EYS: variants seen among roughly 807,000 people sequenced by gnomAD.
EYS encodes the protein protein eyes shut homolog.
In EYS, 250 loss-of-function variants were observed where a neutral mutation model predicts 282.1. The observed-to-expected ratio is 0.89, with a 90% CI of 0.80 to 0.98. The LOEUF (loss-of-function observed/expected upper bound fraction) is 0.98, where lower values mean the gene tolerates loss of function less well. Among genes scored for constraint, EYS ranks in the 50% least tolerant of loss-of-function variants. The probability of loss-of-function intolerance (pLI) is 0.00; values close to 1 mark genes in which losing one functional copy is unlikely to be tolerated. For synonymous variants in EYS, 1,355 were observed against 1,282.9 expected (o/e 1.06, Z -1.20); for missense variants, 4,016 against 3,709.0 (o/e 1.08, Z -2.15).
At chr6:65,342,244 T>C (rs893393839) in intron 10 of EYS, among the ~76,000 whole-genome samples, 1 of 151,076 alleles carries the variant, frequency 6.6e-6, no homozygotes, top group Non-Finnish European at 1.5e-5. Flanking sequence ...TGATTTAATT[T>C]AACTTTAAGA....
chr6:65,399,835 G>A (rs1766424782), intron 7 of EYS, among the ~76,000 whole-genome samples: 1 of 151,908 alleles, frequency 6.6e-6, no homozygotes, highest in South Asian at 2.1e-4. Flanking sequence ...CATTGTTCTG[G>A]CTCTCCTTTT....
chr6:64,070,511 A>G (rs1210069881), intron 32 of EYS, among the ~76,000 whole-genome samples: 1 of 152,070 alleles, frequency 6.6e-6, no homozygotes, highest in Non-Finnish European at 1.5e-5. Context: ...TCCTTGAGGT[A>G]ACAGGCTTAC....
At chr6:64,996,040 C>T (rs1771251042) in intron 14 of EYS, among the ~76,000 whole-genome samples, 1 of 151,990 alleles carries the variant, frequency 6.6e-6, no homozygotes, top group Non-Finnish European at 1.5e-5. Flanking sequence ...AAATCACAAC[C>T]TAAAATAAAG....
chr6:64,258,265 G>A (rs1050086090), intron 30 of EYS, among the ~76,000 whole-genome samples: 3 of 151,988 alleles, frequency 2.0e-5, no homozygotes, highest in Non-Finnish European at 4.4e-5. Flanking sequence ...CATTGTAAAA[G>A]GAGCTTTTCA....
intron 30 of EYS, among the ~76,000 whole-genome samples, chr6:64,241,571 C>G (rs1317014534): frequency 6.6e-6 from 1 of 151,730 alleles, no homozygotes; most frequent in African/African-American, 2.4e-5. Context: ...GTTGTTGTCT[C>G]CTTTATCATT....
intron 13 of EYS, among the ~76,000 whole-genome samples, chr6:65,019,563 A>G (rs761992804): frequency 3.4e-4 from 52 of 152,218 alleles, no homozygotes; most frequent in Non-Finnish European, 7.2e-4. Flanking sequence ...GTACAAAATA[A>G]ATGACATAAG....
At chr6:64,227,599 G>T (rs1268812703) in intron 31 of EYS, among the ~76,000 whole-genome samples, 6 of 151,986 alleles carry the variant, frequency 3.9e-5, no homozygotes, top group Non-Finnish European at 5.9e-5. Context: ...GTAAATGGGG[G>T]TAATTTAGAG....
At chr6:64,089,362 A>T (rs900643113) in intron 31 of EYS, among the ~76,000 whole-genome samples, 2 of 150,300 alleles carry the variant, frequency 1.3e-5, no homozygotes, top group South Asian at 4.2e-4. Context: ...TTATAAAATT[A>T]AATCTCAAGA....
At chr6:63,760,607 T>G (rs1769607399) in intron 41 of EYS, among the ~76,000 whole-genome samples, 1 of 151,996 alleles carries the variant, frequency 6.6e-6, no homozygotes, top group Admixed American at 6.6e-5. Context: ...CTCATTACTC[T>G]GACTATTCCA....
intron 30 of EYS, among the ~76,000 whole-genome samples, chr6:64,258,522 T>G (rs1767479701): frequency 6.6e-6 from 1 of 152,078 alleles, no homozygotes; most frequent in Admixed American, 6.6e-5. Context: ...GTGTGACCCT[T>G]GAATCTTGGG....
At chr6:64,807,392 T>C (rs1220604866) in intron 22 of EYS, among the ~76,000 whole-genome samples, 1 of 152,172 alleles carries the variant, frequency 6.6e-6, no homozygotes, top group Non-Finnish European at 1.5e-5. Flanking sequence ...TTGTCACCTA[T>C]ATAATAACTA....
chr6:64,103,580 T>C lies in EYS; in HGVS notation c.6425-21578A>G, dbSNP rs112946545. On this transcript the variant is annotated intron_variant, in intron 31 of 42. Transcript: ENST00000503581. ...AGGAGCACAGACTATGCGAGATTAATAGGAAATAGAGCTAGAAAGAGAGGT... is the reference window on the plus strand; with the variant it reads ...AGGAGCACAGACTATGCGAGATTAACAGGAAATAGAGCTAGAAAGAGAGGT... Among the ~76,000 whole-genome samples, 419 of 152,158 alleles carry C rather than the reference T, an allele frequency of 2.8e-3. 2 individuals are homozygous for C. The highest frequency in any genetic ancestry group is 9.7e-3 in the African/African-American group (404 of 41,506).
intron 12 of EYS, among the ~76,000 whole-genome samples, chr6:65,273,033 T>G (rs1212593625): frequency 6.6e-6 from 1 of 152,184 alleles, no homozygotes; most frequent in Non-Finnish European, 1.5e-5. Context: ...ACAGTCAATT[T>G]AATAATCAGG....
chr6:65,542,907 C>T (rs1277948440), intron 2 of EYS, among the ~76,000 whole-genome samples: 1 of 152,084 alleles, frequency 6.6e-6, no homozygotes, highest in Non-Finnish European at 1.5e-5. Flanking sequence ...AATAAAAGCA[C>T]CAACATTTAT....
intron 15 of EYS, among the ~76,000 whole-genome samples, chr6:64,945,104 GCC>G (rs1042110123): frequency 1.4e-5 from 2 of 147,962 alleles, no homozygotes; most frequent in African/African-American, 5.0e-5. Context: ...GGTCCCCTGG[GCC>G]CACTGTTGTT....
At chr6:65,228,993 G>T (rs1052482231) in intron 12 of EYS, among the ~76,000 whole-genome samples, 9 of 152,072 alleles carry the variant, frequency 5.9e-5, no homozygotes, top group South Asian at 2.1e-4. Flanking sequence ...TACCTTGCAA[G>T]ATATACAAAA....
intron 26 of EYS, among the ~76,000 whole-genome samples, chr6:64,457,268 T>C (rs536840294): frequency 1.3e-5 from 2 of 152,160 alleles, no homozygotes; most frequent in East Asian, 3.9e-4. Flanking sequence ...TTTTCAGACT[T>C]TTTGTGGTTT....
At chr6:63,817,567 C>G (rs1357102171) in intron 36 of EYS, among the ~76,000 whole-genome samples, 2 of 152,118 alleles carry the variant, frequency 1.3e-5, no homozygotes, top group African/African-American at 4.8e-5. Context: ...CCTGACAGGA[C>G]CTTGCCTTGG....
intron 26 of EYS, among the ~76,000 whole-genome samples, chr6:64,467,989 C>T (rs894196168): frequency 6.6e-6 from 1 of 152,150 alleles, no homozygotes. Flanking sequence ...ATGTATACTA[C>T]TTGGGGGTCA....
Sources: allele counts gnomAD v4.1 joint callset (sites outside exome capture counted in the v4.1 genomes callset), GRCh38; gene constraint gnomAD v4.1.1; transcripts MANE v1.5; gene names NCBI Gene and HGNC (gene_info 2026-07-23, HGNC 2026-07-21).